UTP25: variants seen among roughly 807,000 people sequenced by gnomAD.
UTP25 encodes UTP25 small subunit processome component, also known as U3 small nucleolar RNA-associated protein 25 homolog.
Under a neutral mutation model 78.9 loss-of-function variants are expected in UTP25, and 50 were observed. The observed-to-expected ratio is 0.63, with a 90% confidence interval of 0.50 to 0.80. The LOEUF (loss-of-function observed/expected upper bound fraction) is 0.80, where lower values mean the gene tolerates loss of function less well. UTP25 is among the 30% of genes least tolerant of loss of function. UTP25 has a pLI of 0.00. For missense variants in UTP25, 846 were observed against 911.3 expected (o/e 0.93, Z 0.92); for synonymous variants, 329 against 336.5 (o/e 0.98, Z 0.24).
rs574619397 is a variant in UTP25, at chr1:209,846,650, G to C, written c.2027+2954G>C. On this transcript the variant is annotated intron_variant, in intron 11 of 11. Coordinates refer to ENST00000491415, the MANE Select transcript of UTP25 (RefSeq NM_014388.7). ...GTGGAAGGTACTGTAAGGGTGATTA[G>C]GCTGTGTTTGTAGGAGTCACTGAAA... Among the ~76,000 whole-genome samples the C allele has an allele frequency of 6.6e-5, 10 of 152,342 alleles. No individual in the cohort carries two copies. The South Asian group carries it at 1.9e-3, about 28-fold the overall frequency.
chr1:209,843,738 G>A (rs1073150), intron 11 of UTP25, 42 bp downstream of exon 11: 253,725 of 1,592,178 alleles, frequency 0.16, 21,378 homozygotes, highest in African/African-American at 0.24. Flanking sequence ...CTGAAGGGGA[G>A]GTGCAGGACA....
At chr1:209,843,238 G>GT (rs2078177432) in intron 10 of UTP25, 5 of 603,362 alleles carry the variant, frequency 8.3e-6, no homozygotes, top group African/African-American at 5.6e-5. Flanking sequence ...TATTACATCT[G>GT]TTTTTTACAA....
chr1:209,846,312 G>C (rs998438263), intron 11 of UTP25, among the ~76,000 whole-genome samples: 1 of 152,204 alleles, frequency 6.6e-6, no homozygotes, highest in Non-Finnish European at 1.5e-5. Flanking sequence ...TAAACTAGCA[G>C]AATCTTAGAA....
chr1:209,850,065 C>A (rs896412285), intron 11 of UTP25, among the ~76,000 whole-genome samples: 1 of 152,204 alleles, frequency 6.6e-6, no homozygotes, highest in Non-Finnish European at 1.5e-5. Context: ...AGCTCACCAC[C>A]TAATTCAGGT....
At chr1:209,851,067 TTC>T in intron 11 of UTP25, 135 bp from the exon 12 acceptor site, 1 of 908,236 alleles carries the variant, frequency 1.1e-6, no homozygotes, top group East Asian at 2.6e-5. Flanking sequence ...ATAACTTTTG[TTC>T]TGTTACTTGT....
chr1:209,828,168 CAG>C lies in UTP25; in HGVS notation c.106_107del (p.Arg36GlyfsTer23). The stretch of plus-strand genomic sequence containing the variant: ...TCGGCGAGGAGCATCCCTTCTATGA[CAG>C]GTCTGAAGGGGCGTGGCAGGGCTCC... The part of the protein sequence containing the change: ...DFGEEHPFYD[R>X]VSRKEAKPQI... On this transcript the variant is annotated frameshift_variant and splice_region_variant, in exon 1 of 12. Transcript: ENST00000491415. LOFTEE classifies it high-confidence loss of function. The C allele has an allele frequency of 6.2e-7, 1 of 1,612,334 alleles. No homozygotes were observed.
chr1:209,843,796 C>A, intron 11 of UTP25, 100 bp downstream of exon 11: 2 of 1,447,016 alleles, frequency 1.4e-6, no homozygotes, highest in South Asian at 1.3e-5. Flanking sequence ...GTGTTGAGAT[C>A]ATCCCTCACT....
intron 11 of UTP25, among the ~76,000 whole-genome samples, chr1:209,849,590 G>C (rs2078219647): frequency 6.6e-6 from 1 of 152,086 alleles, no homozygotes; most frequent in Non-Finnish European, 1.5e-5. Flanking sequence ...AATGGGCCTG[G>C]GAAGTAGGTG....
intron 1 of UTP25, among the ~76,000 whole-genome samples, 169 bp downstream of exon 1, chr1:209,828,339 A>C (rs2102565127): frequency 6.6e-6 from 1 of 150,716 alleles, no homozygotes; most frequent in Admixed American, 6.6e-5. Flanking sequence ...GGAGTGCTTC[A>C]CGGGCCTTTT....
At chr1:209,849,387 A>G (rs6664791) in intron 11 of UTP25, among the ~76,000 whole-genome samples, 144,090 of 151,990 alleles carry the variant, frequency 0.95, 68,390 homozygotes, top group East Asian at 1. Context: ...TTTACTGGGT[A>G]CAAGTCTTGT....
chr1:209,840,750 A>C, intron 7 of UTP25, 103 bp from the exon 8 acceptor site: 1 of 1,077,650 alleles, frequency 9.3e-7, no homozygotes. Context: ...GAGGAACAAA[A>C]GAGATGTGGA....
chr1:209,829,380 G>A (rs1421648598), intron 1 of UTP25, among the ~76,000 whole-genome samples: 1 of 152,210 alleles, frequency 6.6e-6, no homozygotes, highest in Non-Finnish European at 1.5e-5. Flanking sequence ...ATTAGTAGTT[G>A]TGGTTTCTCT....
chr1:209,848,780 T>A (rs1479104168), intron 11 of UTP25, among the ~76,000 whole-genome samples: 6 of 152,360 alleles, frequency 3.9e-5, no homozygotes, highest in African/African-American at 1.4e-4. Flanking sequence ...TGTTTGGATG[T>A]CTTTTCTTGC....
chr1:209,844,700 G>A (rs2078187049), intron 11 of UTP25: 1 of 149,658 alleles, frequency 6.7e-6, no homozygotes, highest in Admixed American at 6.7e-5. Flanking sequence ...TTCTATTACT[G>A]TTTGGGATAG....
chr1:209,831,543 G>C (rs1298605415), intron 3 of UTP25, among the ~76,000 whole-genome samples: 2 of 152,232 alleles, frequency 1.3e-5, no homozygotes, highest in Admixed American at 1.3e-4. Context: ...ACTCAGACTT[G>C]AAGGTGACTT....
At chr1:209,839,775 T>C (rs1422822074) in intron 7 of UTP25, among the ~76,000 whole-genome samples, 1 of 152,162 alleles carries the variant, frequency 6.6e-6, no homozygotes, top group Non-Finnish European at 1.5e-5. Flanking sequence ...CAGATAAATA[T>C]AGAAATAAAA....
Position 209,830,148 on chromosome 1 carries a change from G to T in UTP25, c.147+1G>T. On this transcript the variant is annotated splice_donor_variant, in intron 2 of 11. Coordinates refer to ENST00000491415, the MANE Select transcript of UTP25 (RefSeq NM_014388.7). LOFTEE classifies it high-confidence loss of function. ...AGCAAAGCCACAGATTTGTCAACTG[G>T]TAATGCTTTCTACCTTCTTTTTAAT... 1 of 1,610,768 alleles carries T rather than the reference G, an allele frequency of 6.2e-7. No homozygotes were observed. The highest frequency in any genetic ancestry group is 8.5e-7 in the Non-Finnish European group (1 of 1,177,988).
chr1:209,842,412 G>T lies in UTP25; in HGVS notation c.1633G>T (p.Val545Leu), dbSNP rs140604427. ...GALQDAQINS[V>L]FNKYCVNMQG... ...CCTTCAGGATGCCCAGATCAACTCA[G>T]TGTTCAACAAGTACTGTGTCAACAT... is the stretch of plus-strand genomic sequence containing the variant. Residue 545 changes from valine (V) to leucine (L), a missense_variant, in exon 9 of 12, where the codon GTG (valine) becomes TTG (leucine). Transcript: ENST00000491415. 502 of 1,614,124 alleles carry T rather than the reference G, an allele frequency of 3.1e-4. 3 individuals are homozygous for T. The African/African-American group carries it at 5.9e-3, about 19-fold the overall frequency.
Position 209,855,938 on chromosome 1 carries a change from C to T in UTP25, c.*4491C>T, listed in dbSNP as rs1381847634. 1 of 152,454 alleles carries T rather than the reference C, an allele frequency of 6.6e-6. No individual in the cohort carries two copies. Among genetic ancestry groups the T allele is most frequent in the African/African-American group, 2.4e-5 (1 of 41,468 alleles). 9.4% of individuals were successfully genotyped at this position (152,454 alleles called of 1,614,324 possible). A position where few individuals can be genotyped will look rare whatever the true frequency, so the allele number is the denominator to read the frequency against. On this transcript the variant is annotated 3_prime_UTR_variant, in exon 12 of 12. Transcript: ENST00000491415. ...AACATCTGCCCCAGTGCCCTGCCACCTTCGTCCTCACTGACCTCTGCAGCC... is the reference window on the plus strand; with the variant it reads ...AACATCTGCCCCAGTGCCCTGCCACTTTCGTCCTCACTGACCTCTGCAGCC...
Sources: gnomAD v4.1 joint callset for allele counts (sites outside exome capture counted in the v4.1 genomes callset) on GRCh38, gnomAD v4.1.1 for gene constraint, MANE v1.5 for transcripts, NCBI Gene and HGNC (gene_info 2026-07-23, HGNC 2026-07-21) for gene names.